The following SPART variants were observed in gnomAD, a reference collection of about 807,000 sequenced individuals.
SPART encodes spartin.
In SPART, 35 loss-of-function variants were observed where a neutral mutation model predicts 58.7. That is an observed-to-expected ratio of 0.60 (90% CI 0.46 to 0.79). SPART has a LOEUF of 0.79. Ranked by LOEUF, SPART falls within the 30% of genes least tolerant of loss-of-function variation. The pLI is 0.00. For synonymous variants in SPART, 284 were observed against 280.7 expected, an observed-to-expected ratio of 1.01 and a Z score of -0.12; for missense variants, 730 against 786.1, an observed-to-expected ratio of 0.93 and a Z score of 0.85.
intron 2 of SPART, among the ~76,000 whole-genome samples, chr13:36,332,537 G>A (rs1312954262): frequency 6.6e-6 from 1 of 152,110 alleles, no homozygotes; most frequent in Non-Finnish European, 1.5e-5. Context: ...AAGAAATTCA[G>A]CACTCACTCA....
intron 5 of SPART, among the ~76,000 whole-genome samples, chr13:36,323,374 C>T (rs567783272): frequency 2.0e-5 from 3 of 152,324 alleles, no homozygotes; most frequent in Admixed American, 2.0e-4. Flanking sequence ...AGGCTCTACT[C>T]GATTGATACT....
intron 5 of SPART, among the ~76,000 whole-genome samples, chr13:36,318,613 T>A (rs1353871544): frequency 2.0e-5 from 3 of 152,204 alleles, no homozygotes; most frequent in Non-Finnish European, 2.9e-5. Context: ...GCCTCCACTG[T>A]GAGACAAACC....
chr13:36,364,270 C>A (rs1013142557), intron 1 of SPART, among the ~76,000 whole-genome samples: 1 of 152,188 alleles, frequency 6.6e-6, no homozygotes, highest in Non-Finnish European at 1.5e-5. Context: ...CTTCTGGACA[C>A]CCACTGACTA....
intron 1 of SPART, among the ~76,000 whole-genome samples, chr13:36,358,236 T>C (rs1006100128): frequency 6.6e-6 from 1 of 152,252 alleles, no homozygotes; most frequent in Non-Finnish European, 1.5e-5. Context: ...TTTTTTGTTA[T>C]TCAATCATAT....
At chr13:36,312,016 G>A (rs1327165989) in intron 8 of SPART, 129 bp downstream of exon 8, 2 of 789,396 alleles carry the variant, frequency 2.5e-6, no homozygotes, top group African/African-American at 1.7e-5. Flanking sequence ...GAACCTGGGA[G>A]GTGGAGGTTG....
chr13:36,340,043 G>A (rs566454646), intron 1 of SPART, among the ~76,000 whole-genome samples: 2 of 152,132 alleles, frequency 1.3e-5, no homozygotes, highest in African/African-American at 4.8e-5. Context: ...ACTCCAGCCT[G>A]GGTTGAAAGA....
chr13:36,352,806 G>T (rs977363435), intron 1 of SPART, among the ~76,000 whole-genome samples: 34 of 145,472 alleles, frequency 2.3e-4, no homozygotes, highest in African/African-American at 8.0e-4. Context: ...AAAAAAAATT[G>T]AAAATTAGCC....
intron 1 of SPART, among the ~76,000 whole-genome samples, chr13:36,356,219 A>G (rs749571749): frequency 6.6e-6 from 1 of 152,152 alleles, no homozygotes; most frequent in Non-Finnish European, 1.5e-5. Flanking sequence ...ATTAATCTTT[A>G]CTGAATAAAT....
At chr13:36,317,845 G>A (rs897726702) in intron 5 of SPART, among the ~76,000 whole-genome samples, 1 of 152,220 alleles carries the variant, frequency 6.6e-6, no homozygotes. Context: ...AAACTCTACA[G>A]TAGTTCCAAA....
At chr13:36,360,463 G>A (rs1189762727) in intron 1 of SPART, among the ~76,000 whole-genome samples, 1 of 151,866 alleles carries the variant, frequency 6.6e-6, no homozygotes, top group Admixed American at 6.6e-5. Context: ...CTAATCCCCA[G>A]ATGACACTAG....
intron 8 of SPART, among the ~76,000 whole-genome samples, chr13:36,305,138 T>C (rs770663735): frequency 1.2e-4 from 19 of 152,130 alleles, no homozygotes; most frequent in Non-Finnish European, 2.5e-4. Context: ...TACTGCACAC[T>C]CACTGGCCTC....
chr13:36,343,013 G>A (rs1884727093), intron 1 of SPART, among the ~76,000 whole-genome samples: 1 of 152,076 alleles, frequency 6.6e-6, no homozygotes, highest in Admixed American at 6.5e-5. Flanking sequence ...CAAACAATAA[G>A]TCGAAGGGCT....
rs1880056503 is a variant in SPART at position 36,302,228 on chromosome 13, A to G, written c.*2137T>C. The G allele has an allele frequency of 7.1e-6, 1 of 141,840 alleles. No homozygotes were observed. The highest frequency in any genetic ancestry group is 1.6e-5 in the Non-Finnish European group (1 of 63,170). 8.8% of individuals were successfully genotyped at this position (141,840 alleles called of 1,614,324 possible). A position where few individuals can be genotyped will look rare whatever the true frequency, so the allele number is the denominator to read the frequency against. ...ATTCATCATACCTTACAAGTAATAT[A>G]TAATTTTATCTATATATCAATCATT... On this transcript the variant is annotated 3_prime_UTR_variant, in exon 9 of 9. Coordinates refer to ENST00000438666, the MANE Select transcript of SPART (RefSeq NM_015087.5).
In SPART at chr13:36,302,017, A is replaced by T. The variant is rs1880031573; in HGVS notation, c.*2348T>A. On this transcript the variant is annotated 3_prime_UTR_variant, in exon 9 of 9. Coordinates refer to ENST00000438666, the MANE Select transcript of SPART (RefSeq NM_015087.5). ...AAGTTGAGTAAGACTTCACATTCAG[A>T]CACTATATGTAGAAAGCTTCAAAAA... 6.6e-6 allele frequency: 1 copy of T among 152,206 alleles called. No individual in the cohort carries two copies. The highest frequency in any genetic ancestry group is 2.4e-5 in the African/African-American group (1 of 41,426). 9.4% of individuals were successfully genotyped at this position (152,206 alleles called of 1,614,324 possible).
chr13:36,316,762 C>T (rs111375194), intron 5 of SPART, among the ~76,000 whole-genome samples: 51,854 of 152,010 alleles, frequency 0.34, 9,604 homozygotes, highest in Non-Finnish European at 0.42. Flanking sequence ...TTCACACAGA[C>T]GCGCATGAAA....
chr13:36,356,960 T>G (rs1190353806), intron 1 of SPART, among the ~76,000 whole-genome samples: 4 of 152,244 alleles, frequency 2.6e-5, no homozygotes, highest in Non-Finnish European at 5.9e-5. Flanking sequence ...TAAAGACAGT[T>G]TTAATCATTA....
intron 5 of SPART, among the ~76,000 whole-genome samples, chr13:36,320,709 CCT>C (rs1440514997): frequency 2.6e-5 from 4 of 152,134 alleles, no homozygotes; most frequent in Non-Finnish European, 4.4e-5. Context: ...AACTAAAATA[CCT>C]CTTAGTCTAG....
chr13:36,332,129 A>G (rs145893086), intron 2 of SPART, among the ~76,000 whole-genome samples: 1 of 152,288 alleles, frequency 6.6e-6, no homozygotes, highest in East Asian at 1.9e-4. Flanking sequence ...AACAACTAAA[A>G]AGTGGAGCTT....
At chr13:36,316,455 T>C (rs201034995) in intron 5 of SPART, among the ~76,000 whole-genome samples, 2 of 152,178 alleles carry the variant, frequency 1.3e-5, no homozygotes, top group Non-Finnish European at 2.9e-5. Flanking sequence ...GATGACATTC[T>C]ACCACAAAAG....
Sources: allele counts gnomAD v4.1 joint callset (sites outside exome capture counted in the v4.1 genomes callset), GRCh38; gene constraint gnomAD v4.1.1; transcripts MANE v1.5; gene names NCBI Gene and HGNC (gene_info 2026-07-23, HGNC 2026-07-21).